SNTG1: variants seen among roughly 807,000 people sequenced by gnomAD.
The protein encoded by SNTG1 is syntrophin gamma 1.
Under a neutral mutation model 74.7 loss-of-function variants are expected in SNTG1, and 39 were observed. The ratio of observed to expected loss-of-function variants is 0.52; its 90% CI spans 0.40 to 0.68. The LOEUF (loss-of-function observed/expected upper bound fraction) is 0.68, where lower values mean the gene tolerates loss of function less well. SNTG1 is among the 30% of genes least tolerant of loss of function. The pLI, the probability that SNTG1 is intolerant of heterozygous loss-of-function variation, is 0.00. For synonymous variants in SNTG1, 254 were observed against 217.1 expected (o/e 1.17, Z -1.49); for missense variants, 685 against 609.5 (o/e 1.12, Z -1.30).
At chr8:50,541,268 T>TGTGTGC (rs2094344852) in intron 11 of SNTG1, among the ~76,000 whole-genome samples, 1 of 151,874 alleles carries the variant, frequency 6.6e-6, no homozygotes, top group Admixed American at 6.6e-5. Flanking sequence ...TGTGTGTGTG[T>TGTGTGC]GTGTGTGTGC....
chr8:50,521,655 T>C (rs1295305171), intron 9 of SNTG1, among the ~76,000 whole-genome samples: 2 of 152,206 alleles, frequency 1.3e-5, no homozygotes, highest in African/African-American at 2.4e-5. Flanking sequence ...ATTTTACCCA[T>C]ATTAGAACTT....
At chr8:50,454,933 A>AT (rs1383297834) in intron 8 of SNTG1, among the ~76,000 whole-genome samples, 1 of 152,106 alleles carries the variant, frequency 6.6e-6, no homozygotes, top group Admixed American at 6.6e-5. Context: ...ATAAGAAAGA[A>AT]TATATAAATA....
At chr8:50,130,841 G>A (rs1489361069) in intron 1 of SNTG1, among the ~76,000 whole-genome samples, 2 of 151,998 alleles carry the variant, frequency 1.3e-5, no homozygotes, top group Admixed American at 1.3e-4. Flanking sequence ...AAGTATGGGA[G>A]CTCCACATTA....
intron 11 of SNTG1, among the ~76,000 whole-genome samples, 186 bp from the exon 12 acceptor site, chr8:50,552,864 T>A (rs562255197): frequency 6.6e-6 from 1 of 152,312 alleles, no homozygotes. Context: ...AAATTGTATG[T>A]CATTTGGGTC....
chr8:50,538,383 G>A (rs1183403822), intron 11 of SNTG1, among the ~76,000 whole-genome samples: 2 of 151,916 alleles, frequency 1.3e-5, no homozygotes, highest in South Asian at 2.1e-4. Flanking sequence ...TTCTTTTACC[G>A]CTTCCTTTCT....
intron 2 of SNTG1, among the ~76,000 whole-genome samples, chr8:50,259,132 A>G (rs572524633): frequency 6.6e-6 from 1 of 152,298 alleles, no homozygotes; most frequent in African/African-American, 2.4e-5. Flanking sequence ...AGTCAGCGTA[A>G]TGACATATTC....
intron 1 of SNTG1, among the ~76,000 whole-genome samples, chr8:50,101,224 T>C (rs919380685): frequency 6.6e-6 from 1 of 152,156 alleles, no homozygotes; most frequent in Non-Finnish European, 1.5e-5. Flanking sequence ...CTAATGATAA[T>C]AGGGCTGCAA....
At chr8:50,007,049 G>A (rs1815306053) in intron 1 of SNTG1, among the ~76,000 whole-genome samples, 1 of 152,142 alleles carries the variant, frequency 6.6e-6, no homozygotes. Flanking sequence ...CTCAGTGGGA[G>A]GAGGAGTCCC....
At chr8:49,922,961 C>T (rs1461082749) in intron 1 of SNTG1, among the ~76,000 whole-genome samples, 1 of 152,084 alleles carries the variant, frequency 6.6e-6, no homozygotes, top group Non-Finnish European at 1.5e-5. Context: ...TGATTCGTGT[C>T]TACTTTATTA....
At chr8:50,644,730 G>C (rs114478622) in intron 13 of SNTG1, among the ~76,000 whole-genome samples, 1 of 152,224 alleles carries the variant, frequency 6.6e-6, no homozygotes. Flanking sequence ...TAATTTCTGA[G>C]ATACATGTAC....
At chr8:50,670,267 T>A (rs545786519) in intron 15 of SNTG1, among the ~76,000 whole-genome samples, 1 of 152,174 alleles carries the variant, frequency 6.6e-6, no homozygotes, top group Non-Finnish European at 1.5e-5. Context: ...TGTTTGCAGA[T>A]GACATGATTG....
intron 13 of SNTG1, among the ~76,000 whole-genome samples, chr8:50,599,141 T>C (rs2130919837): frequency 6.6e-6 from 1 of 152,152 alleles, no homozygotes; most frequent in East Asian, 1.9e-4. Flanking sequence ...CAATGTATAT[T>C]CTTGGTACAC....
chr8:50,404,513 C>T lies in SNTG1; in HGVS notation c.162+2169C>T, dbSNP rs537953108. Among the ~76,000 whole-genome samples the T allele has an allele frequency of 2.2e-4, 33 of 152,018 alleles. No homozygotes were observed. In the South Asian group the frequency reaches 6.4e-3, roughly 30 times the overall value. On this transcript the variant is annotated intron_variant, in intron 4 of 18. Transcript: ENST00000642720. The stretch of plus-strand genomic sequence containing the variant: ...TTATTCTACCTGATTTCAGCGCTTA[C>T]TATAAGATTCTAATAATAAATACAA...
chr8:50,278,360 C>A (rs1219615596), intron 2 of SNTG1, among the ~76,000 whole-genome samples: 3 of 152,108 alleles, frequency 2.0e-5, no homozygotes, highest in Admixed American at 6.6e-5. Flanking sequence ...TTGTTTTCAA[C>A]TGGCTTTGTA....
intron 12 of SNTG1, among the ~76,000 whole-genome samples, chr8:50,581,968 G>A (rs1212922939): frequency 6.6e-6 from 1 of 152,144 alleles, no homozygotes; most frequent in Non-Finnish European, 1.5e-5. Context: ...ATTTCTTGTG[G>A]AGTTTTAGAG....
chr8:50,735,343 C>T (rs1038706979), intron 17 of SNTG1, among the ~76,000 whole-genome samples: 1 of 151,674 alleles, frequency 6.6e-6, no homozygotes, highest in African/African-American at 2.4e-5. Flanking sequence ...GGAGCATGTT[C>T]TAAACCAATG....
At chr8:50,089,096 A>G (rs1349966077) in intron 1 of SNTG1, among the ~76,000 whole-genome samples, 1 of 151,232 alleles carries the variant, frequency 6.6e-6, no homozygotes, top group Non-Finnish European at 1.5e-5. Flanking sequence ...CTCAGAAATA[A>G]CGCCGCATAT....
chr8:49,967,444 T>C (rs1811246489), intron 1 of SNTG1, among the ~76,000 whole-genome samples: 1 of 152,210 alleles, frequency 6.6e-6, no homozygotes, highest in African/African-American at 2.4e-5. Flanking sequence ...CTTTCTGCTT[T>C]GGTAGATACA....
intron 13 of SNTG1, among the ~76,000 whole-genome samples, chr8:50,647,509 G>T (rs975716778): frequency 6.6e-6 from 1 of 151,840 alleles, no homozygotes; most frequent in Admixed American, 6.6e-5. Flanking sequence ...GTTTCATTCT[G>T]TTGGGGTATT....
Sources: gnomAD v4.1 joint callset for allele counts (sites outside exome capture counted in the v4.1 genomes callset) on GRCh38, gnomAD v4.1.1 for gene constraint, MANE v1.5 for transcripts, NCBI Gene and HGNC (gene_info 2026-07-23, HGNC 2026-07-21) for gene names.